Variants in CHN1 observed in about 807,000 individuals in gnomAD.
The protein encoded by CHN1 is N-chimaerin.
CHN1 carries 37 observed loss-of-function variants against 59.5 expected under a neutral mutation model. That is an observed-to-expected ratio of 0.62 (90% confidence interval 0.48 to 0.82). The LOEUF is 0.82. Ranked by LOEUF, CHN1 falls within the 40% of genes least tolerant of loss-of-function variation. The probability of loss-of-function intolerance (pLI) is 0.00; values close to 1 mark genes in which losing one functional copy is unlikely to be tolerated. For missense variants in CHN1, 469 were observed against 571.0 expected, an observed-to-expected ratio of 0.82 and a Z score of 1.82; for synonymous variants, 206 against 200.4, an observed-to-expected ratio of 1.03 and a Z score of -0.24.
chr2:174,908,318 A>G (rs1184583436), intron 5 of CHN1, among the ~76,000 whole-genome samples: 2 of 152,168 alleles, frequency 1.3e-5, no homozygotes, highest in Admixed American at 6.5e-5. Context: ...TAATTATCCA[A>G]ATAATTCTGG....
chr2:174,826,435 A>G (rs867397693), intron 7 of CHN1, among the ~76,000 whole-genome samples: 2 of 152,202 alleles, frequency 1.3e-5, no homozygotes, highest in Middle Eastern at 3.2e-3. Context: ...ACTTTTAGAG[A>G]AAGTCTTTGG....
intron 6 of CHN1, among the ~76,000 whole-genome samples, chr2:174,862,337 T>C (rs1339040747): frequency 7.1e-6 from 1 of 141,116 alleles, no homozygotes; most frequent in Non-Finnish European, 1.5e-5. Context: ...CCAACGATAC[T>C]TTTTTTTTTT....
chr2:174,924,419 T>G (rs944175638), intron 3 of CHN1, among the ~76,000 whole-genome samples: 8 of 152,240 alleles, frequency 5.3e-5, no homozygotes, highest in Non-Finnish European at 1.2e-4. Context: ...AAATGGTATA[T>G]AACCCCCAAG....
chr2:174,889,241 T>C (rs1320508676), intron 5 of CHN1, among the ~76,000 whole-genome samples: 1 of 151,906 alleles, frequency 6.6e-6, no homozygotes, highest in African/African-American at 2.4e-5. Context: ...TTCTCCTGTA[T>C]GAAACCAGTC....
At position 174,966,930 on chromosome 2, in the gene CHN1, C is replaced by T. The variant is rs1690611833; in HGVS notation, c.20-14728G>A. On this transcript the variant is annotated intron_variant, in intron 1 of 12. Coordinates refer to ENST00000409900, the MANE Select transcript of CHN1 (RefSeq NM_001822.7). ...GTTCCCATTTGGATTTTGTTGGGTA[C>T]ATTTCAAAAACTCATCATTAATAAT... Among the ~76,000 whole-genome samples, 4 of 152,108 alleles carry T rather than the reference C, an allele frequency of 2.6e-5. 1 individual carries two copies. The highest frequency in any genetic ancestry group is 6.6e-5 in the Admixed American group (1 of 15,266).
chr2:174,995,576 G>GT (rs1691681529), intron 1 of CHN1, among the ~76,000 whole-genome samples: 1 of 152,312 alleles, frequency 6.6e-6, no homozygotes, highest in Non-Finnish European at 1.5e-5. Context: ...CACATGAGCA[G>GT]TTCACAATAC....
chr2:174,862,596 G>A (rs527713766), intron 6 of CHN1, among the ~76,000 whole-genome samples: 2 of 152,302 alleles, frequency 1.3e-5, no homozygotes, highest in Admixed American at 1.3e-4. Context: ...CTCCCAAAGT[G>A]CTGGGATTAC....
chr2:174,827,239 A>G (rs1178786262), intron 7 of CHN1, among the ~76,000 whole-genome samples: 2 of 152,256 alleles, frequency 1.3e-5, no homozygotes, highest in African/African-American at 4.8e-5. Context: ...CAAAACAAAT[A>G]CTGATTTTCA....
At chr2:174,941,687 G>A (rs1003518910) in intron 3 of CHN1, among the ~76,000 whole-genome samples, 4 of 152,032 alleles carry the variant, frequency 2.6e-5, no homozygotes, top group African/African-American at 7.2e-5. Context: ...TTGTTTTACT[G>A]GTCTCTGGTT....
intron 5 of CHN1, among the ~76,000 whole-genome samples, chr2:174,887,302 A>C (rs1485974759): frequency 2.0e-5 from 3 of 151,770 alleles, no homozygotes; most frequent in African/African-American, 7.3e-5. Context: ...AGATGAAAAA[A>C]AGAATTATCA....
At chr2:174,843,699 G>GA (rs201535934) in intron 7 of CHN1, among the ~76,000 whole-genome samples, 514 of 129,888 alleles carry the variant, frequency 4.0e-3, no homozygotes, top group Middle Eastern at 0.012. Context: ...TATAGATTCA[G>GA]AAAAAAAAAA....
intron 6 of CHN1, 121 bp from the exon 7 acceptor site, chr2:174,847,078 G>A (rs770239851): frequency 6.4e-7 from 1 of 1,551,696 alleles, no homozygotes; most frequent in Non-Finnish European, 8.7e-7. Context: ...GTTTTGATTT[G>A]TGAACTGCAG....
intron 6 of CHN1, among the ~76,000 whole-genome samples, chr2:174,874,401 T>G (rs1687496671): frequency 6.6e-6 from 1 of 152,206 alleles, no homozygotes; most frequent in Non-Finnish European, 1.5e-5. Context: ...TTCAGTGTTT[T>G]CCAATTGATA....
At chr2:174,875,464 T>C (rs1687539521) in intron 6 of CHN1, among the ~76,000 whole-genome samples, 1 of 152,170 alleles carries the variant, frequency 6.6e-6, no homozygotes, top group Non-Finnish European at 1.5e-5. Context: ...GATCACAGAC[T>C]AGAAGAACCA....
chr2:174,932,964 G>T (rs1180319142), intron 3 of CHN1, among the ~76,000 whole-genome samples: 6 of 152,138 alleles, frequency 3.9e-5, no homozygotes, highest in Non-Finnish European at 7.3e-5. Flanking sequence ...TTAGGATTCT[G>T]GACATATTCC....
intron 3 of CHN1, among the ~76,000 whole-genome samples, chr2:174,920,713 C>A (rs756150926): frequency 3.9e-5 from 6 of 152,172 alleles, no homozygotes; most frequent in Non-Finnish European, 1.5e-5. Flanking sequence ...TAGCGGTGAT[C>A]CCCAACATTT....
At position 174,800,219 on chromosome 2, in the gene CHN1, A is replaced by G. The variant is rs1286230541; in HGVS notation, c.1277T>C (p.Leu426Pro). Reference sequence around the variant, plus strand: ...GGCGTCTAGTTCTGGAGATCTCATAAGGGTGGGTCCAAAGACGATTCCAAG... The same window carrying G: ...GGCGTCTAGTTCTGGAGATCTCATAGGGGTGGGTCCAAAGACGATTCCAAG... ...ENLGIVFGPTLMRSPELDAMA... is the reference protein window; with the variant it reads ...ENLGIVFGPTPMRSPELDAMA... The change falls in exon 13 of 13, where the codon CTT (leucine) becomes CCT (proline). Residue 426 changes from leucine (L) to proline (P), a missense_variant. Around this residue, in one of 5 missense-constraint regions of CHN1, gnomAD observed 225 missense variants for 289.9 expected, o/e 0.78. Transcript: ENST00000409900. The G allele has an allele frequency of 6.6e-7, 1 of 1,512,106 alleles. No homozygotes were observed. 93.7% of individuals were successfully genotyped at this position (1,512,106 alleles called of 1,614,324 possible).
At chr2:174,810,870 GTCT>G (rs1290695975) in intron 10 of CHN1, 1 of 152,200 alleles carries the variant, frequency 6.6e-6, no homozygotes, top group Non-Finnish European at 1.5e-5. Context: ...AAGGCTACAG[GTCT>G]TCTTTGGAAC....
chr2:174,867,374 G>C (rs1687254332), intron 6 of CHN1, among the ~76,000 whole-genome samples: 1 of 147,270 alleles, frequency 6.8e-6, no homozygotes, highest in Non-Finnish European at 1.5e-5. Flanking sequence ...GCGAGACTCT[G>C]TCTCAAAAAA....
Sources: allele counts gnomAD v4.1 joint callset (sites outside exome capture counted in the v4.1 genomes callset), GRCh38; gene constraint gnomAD v4.1.1; regional missense constraint gnomAD v4.1.1; transcripts MANE v1.5; gene names NCBI Gene and HGNC (gene_info 2026-07-23, HGNC 2026-07-21).